The following GET3 variants were observed in gnomAD, a reference collection of about 807,000 sequenced individuals.
GET3 encodes ATPase GET3.
In GET3, 15 loss-of-function variants were observed where a neutral mutation model predicts 32.4. The ratio of observed to expected loss-of-function variants is 0.46; its 90% CI spans 0.31 to 0.71. The LOEUF is 0.71. Ranked by LOEUF, GET3 falls within the 30% of genes least tolerant of loss-of-function variation. The probability of loss-of-function intolerance (pLI) is 0.05; values close to 1 mark genes in which losing one functional copy is unlikely to be tolerated. For missense variants in GET3, 333 were observed against 459.0 expected, an observed-to-expected ratio of 0.73 and a Z score of 2.51; for synonymous variants, 198 against 185.6, an observed-to-expected ratio of 1.07 and a Z score of -0.54.
At chr19:12,738,472 TC>T (rs781722623) in intron 1 of GET3, 38 bp from the exon 2 acceptor site, 22 of 1,611,360 alleles carry the variant, frequency 1.4e-5, no homozygotes, top group Non-Finnish European at 1.7e-6. Context: ...ACAGAGCCCA[TC>T]CCCTCATCCC....
Position 12,745,370 on chromosome 19 carries a change from C to T in GET3, c.310-7C>T, listed in dbSNP as rs1334791718. ...AGCAACCTCAGTCTCATCCCTTTGG[C>T]CCCCAGGAGATTGACCCCAGCCTGG... On this transcript the variant is annotated splice_polypyrimidine_tract_variant and splice_region_variant and intron_variant, in intron 2 of 6. Coordinates refer to ENST00000357332, the MANE Select transcript of GET3 (RefSeq NM_004317.4). The surrounding 1 kb of genome is among the most constrained non-coding windows in gnomAD (Gnocchi z 5.0). 6.2e-7 allele frequency: 1 copy of T among 1,607,768 alleles called. No homozygotes were observed. Among genetic ancestry groups the T allele is most frequent in the Non-Finnish European group, 8.5e-7 (1 of 1,179,742 alleles).
Position 12,745,185 on chromosome 19 carries a change from A to G in GET3, c.310-192A>G, listed in dbSNP as rs760379801. On this transcript the variant is annotated intron_variant, in intron 2 of 6. Transcript: ENST00000357332. The surrounding 1 kb of genome is among the most constrained non-coding windows in gnomAD (Gnocchi z 5.0). ...CCCCTTGTTTTTGACCCTTTATGCA[A>G]CCATACAAAACCCTAAGTACTACCT... 2.0e-5 allele frequency among the ~76,000 whole-genome samples: 3 copies of G among 151,946 alleles called. No individual in the cohort carries two copies. Among genetic ancestry groups the G allele is most frequent in the Non-Finnish European group, 4.4e-5 (3 of 67,960 alleles).
In GET3 at chr19:12,737,572, C is replaced by T. The variant is rs1967595980; in HGVS notation, c.67C>T (p.Pro23Ser). ...EEFEDAPDVE[P>S]LEPTLSNIIE... ...GTTCGAAGATGCTCCTGATGTGGAG[C>T]CGCTGGAGCCTACACTTAGCAACAT... Residue 23 changes from proline to serine, a missense_variant, in exon 1 of 7, where the codon CCG (proline) becomes TCG (serine). By Grantham distance (74) the Pro-to-Ser change is moderately conservative. Coordinates refer to ENST00000357332, the MANE Select transcript of GET3 (RefSeq NM_004317.4). 1 of 1,610,582 alleles carries T rather than the reference C, an allele frequency of 6.2e-7. No individual in the cohort carries two copies. The highest frequency in any genetic ancestry group is 8.5e-7 in the Non-Finnish European group (1 of 1,178,780).
chr19:12,745,424 C>T lies in GET3; in HGVS notation c.357C>T (p.Phe119=), dbSNP rs775762080. 1.9e-5 allele frequency: 30 copies of T among 1,612,622 alleles called. No homozygotes were observed. The highest frequency in any genetic ancestry group is 6.7e-5 in the Admixed American group (4 of 59,986). ...TGGCGGAGCTGCCTGACGAGTTCTT[C>T]GAGGAGGACAACATGCTGAGCATGG... ...LGVAELPDEF[F]EEDNMLSMGK... is the part of the protein sequence containing the mutation. Residue 119 remains phenylalanine (F), a synonymous_variant, in exon 3 of 7, where the codon TTC becomes TTT. Coordinates refer to ENST00000357332, the MANE Select transcript of GET3 (RefSeq NM_004317.4). The surrounding 1 kb of genome is among the most constrained non-coding windows in gnomAD (Gnocchi z 5.0).
rs928627875 is a variant in GET3 at position 12,747,676 on chromosome 19, C to T, written c.915+84C>T. 4 of 1,481,814 alleles carry T rather than the reference C, an allele frequency of 2.7e-6. No homozygotes were observed. Among genetic ancestry groups the T allele is most frequent in the Non-Finnish European group, 3.7e-6 (4 of 1,095,652 alleles). The allele number at this position is 1,481,814 out of a possible 1,614,324, so 91.8% of individuals were successfully genotyped here. A position where few individuals can be genotyped will look rare whatever the true frequency, so the allele number is the denominator to read the frequency against. On this transcript the variant is annotated intron_variant, in intron 6 of 6. Transcript: ENST00000357332. This position sits in a 1 kb window ranked among gnomAD's most constrained non-coding sequence, Gnocchi z 4.0. ...ATCTTTTGCTCCACCATCTGGCCCT[C>T]TGCCCTCTAGCCTCCTGCCCTTTGC... is the stretch of plus-strand genomic sequence containing the variant.
chr19:12,746,532 G>C (rs1049854110), intron 4 of GET3, among the ~76,000 whole-genome samples: 23 of 152,312 alleles, frequency 1.5e-4, no homozygotes, highest in Middle Eastern at 6.8e-3. Context: ...GGGTGTGTGC[G>C]TGTCCCCTGT....
chr19:12,740,658 C>T (rs1466066480), intron 2 of GET3, among the ~76,000 whole-genome samples: 5 of 152,116 alleles, frequency 3.3e-5, no homozygotes, highest in Admixed American at 6.6e-5. Context: ...GCCTGAACAA[C>T]GGAGCGAGAC....
intron 2 of GET3, among the ~76,000 whole-genome samples, chr19:12,741,281 C>T (rs1296633744): frequency 6.7e-6 from 1 of 149,610 alleles, no homozygotes; most frequent in Non-Finnish European, 1.5e-5. Flanking sequence ...AGGGTGAAAC[C>T]CCATCTCTAC....
Position 12,747,642 on chromosome 19 carries a change from T to G in GET3, c.915+50T>G. 1 of 1,577,762 alleles carries G rather than the reference T, an allele frequency of 6.3e-7. No individual in the cohort carries two copies. The highest frequency in any genetic ancestry group is 8.6e-7 in the Non-Finnish European group (1 of 1,161,170). Reference sequence around the variant, plus strand: ...CTCAGCAGAGGCACCTCTGCCCCTTTATTCTCTGATCTTTTGCTCCACCAT... The same window carrying G: ...CTCAGCAGAGGCACCTCTGCCCCTTGATTCTCTGATCTTTTGCTCCACCAT... On this transcript the variant is annotated intron_variant, in intron 6 of 6. Transcript: ENST00000357332. This position sits in a 1 kb window ranked among gnomAD's most constrained non-coding sequence, Gnocchi z 4.0.
intron 4 of GET3, among the ~76,000 whole-genome samples, chr19:12,746,155 C>T (rs536163064): frequency 2.0e-5 from 3 of 152,050 alleles, no homozygotes; most frequent in East Asian, 1.9e-4. Context: ...TTATTCGAGA[C>T]GGAGTCTCGC....
At chr19:12,737,398 T>A (rs973449240), upstream of GET3, 8 of 1,316,806 alleles carry the variant, frequency 6.1e-6, no homozygotes, top group Non-Finnish European at 7.9e-6. Flanking sequence ...AGGCAAGTAA[T>A]GAGGAAATTA....
In GET3 at chr19:12,745,389, A is replaced by C; in HGVS notation, c.322A>C (p.Ser108Arg). The C allele has an allele frequency of 3.7e-6, 6 of 1,610,720 alleles. No individual in the cohort carries two copies. Among genetic ancestry groups the C allele is most frequent in the Non-Finnish European group, 5.1e-6 (6 of 1,179,976 alleles). ...DNLFAMEIDP[S>R]LGVAELPDEF... ...CTTTGGCCCCCAGGAGATTGACCCCAGCCTGGGCGTGGCGGAGCTGCCTGA... is the reference window on the plus strand; with the variant it reads ...CTTTGGCCCCCAGGAGATTGACCCCCGCCTGGGCGTGGCGGAGCTGCCTGA... Residue 108 changes from serine to arginine, a missense_variant, in exon 3 of 7, where the codon AGC (serine) becomes CGC (arginine). By Grantham distance (110) the Ser-to-Arg change is moderately radical. Coordinates refer to ENST00000357332, the MANE Select transcript of GET3 (RefSeq NM_004317.4). This position sits in a 1 kb window ranked among gnomAD's most constrained non-coding sequence, Gnocchi z 5.0.
chr19:12,741,793 G>A (rs1007281628), intron 2 of GET3, among the ~76,000 whole-genome samples: 15 of 151,474 alleles, frequency 9.9e-5, no homozygotes, highest in Non-Finnish European at 2.2e-4. Flanking sequence ...GGTGGTGGGC[G>A]CCTGTAATCC....
Position 12,745,759 on chromosome 19 carries a change from G to A in GET3, c.609G>A (p.Gln203=). Residue 203 remains glutamine (Q), a splice_region_variant and synonymous_variant, in exon 4 of 7, where the codon CAG becomes CAA. Transcript: ENST00000357332. The surrounding 1 kb of genome is among the most constrained non-coding windows in gnomAD (Gnocchi z 5.0). ...ACCAGATCAGCCCTTTCATCTCACA[G>A]GCAGGCGGCGGGGGCCCCCACCTGC... ...IKNQISPFIS[Q]MCNMLGLGDM... 1 of 1,602,774 alleles carries A rather than the reference G, an allele frequency of 6.2e-7. No individual in the cohort carries two copies.
intron 2 of GET3, among the ~76,000 whole-genome samples, chr19:12,743,469 ATC>A (rs754289157): frequency 2.1e-4 from 32 of 150,504 alleles, no homozygotes; most frequent in Non-Finnish European, 4.3e-4. Flanking sequence ...GTGAAACTCC[ATC>A]TCAGAAAAAA....
In GET3 at chr19:12,747,525, C is replaced by T; in HGVS notation, c.848C>T (p.Pro283Leu). The change falls in exon 6 of 7, where the codon CCC (proline) becomes CTC (leucine). Residue 283 changes from proline to leucine, a missense_variant. Pro to Leu is a moderately conservative substitution (Grantham distance 98, BLOSUM62 -3). Coordinates refer to ENST00000357332, the MANE Select transcript of GET3 (RefSeq NM_004317.4). The surrounding 1 kb of genome is among the most constrained non-coding windows in gnomAD (Gnocchi z 4.0). ...ATAATTGTCAACCAGCTCGTCTTCC[C>T]CGACCCCGAGAAGCCCTGCAAGATG... ...HNIIVNQLVFPDPEKPCKMCE... is the reference protein window; with the variant it reads ...HNIIVNQLVFLDPEKPCKMCE... The T allele has an allele frequency of 6.2e-7, 1 of 1,614,076 alleles. No homozygotes were observed. Among genetic ancestry groups the T allele is most frequent in the South Asian group, 1.1e-5 (1 of 91,054 alleles).
chr19:12,738,798 A>T, intron 2 of GET3, 140 bp downstream of exon 2: 2 of 1,169,154 alleles, frequency 1.7e-6, no homozygotes, highest in Non-Finnish European at 2.4e-6. Flanking sequence ...CAACATACTC[A>T]CAAGGGAACC....
intron 4 of GET3, among the ~76,000 whole-genome samples, chr19:12,746,801 G>A (rs889902626): frequency 1.1e-4 from 16 of 152,094 alleles, no homozygotes; most frequent in African/African-American, 3.9e-4. Flanking sequence ...CCTGAGGTCA[G>A]GAGTTCAAGA....
chr19:12,739,372 G>C (rs1967625627), intron 2 of GET3, among the ~76,000 whole-genome samples: 1 of 152,046 alleles, frequency 6.6e-6, no homozygotes, highest in Non-Finnish European at 1.5e-5. Context: ...CACCATATTG[G>C]CCAGGCTGGT....
Sources: gnomAD v4.1 joint callset for allele counts (sites outside exome capture counted in the v4.1 genomes callset) on GRCh38, gnomAD v4.1.1 for gene constraint, Gnocchi (gnomAD v3.1) non-coding constraint, MANE v1.5 for transcripts, NCBI Gene and HGNC (gene_info 2026-07-23, HGNC 2026-07-21) for gene names.